The following DIS3L2 variants were observed in gnomAD, a reference collection of about 807,000 sequenced individuals.
DIS3L2 encodes the protein DIS3 like 3'-5' exoribonuclease 2.
In DIS3L2, 34 loss-of-function variants were observed where a neutral mutation model predicts 97.5. The observed-to-expected ratio is 0.35, with a 90% CI of 0.27 to 0.46. DIS3L2 has a LOEUF of 0.46. Ranked by LOEUF, DIS3L2 falls within the 20% of genes least tolerant of loss-of-function variation. The pLI is 1.00. For synonymous variants in DIS3L2, 435 were observed against 445.2 expected, an observed-to-expected ratio of 0.98 and a Z score of 0.29; for missense variants, 1,038 against 1,146.0, an observed-to-expected ratio of 0.91 and a Z score of 1.36.
At chr2:232,337,684 G>T (rs7422274), downstream of DIS3L2, among the ~76,000 whole-genome samples, 3 of 151,768 alleles carry the variant, frequency 2.0e-5, no homozygotes, top group Non-Finnish European at 4.4e-5. Context: ...TGGTGAGCAC[G>T]GCCTCTGTTC....
intron 19 of DIS3L2, chr2:232,335,399 AGCCTAGCTCACCCTGCTGTGG>A (rs1695907468): frequency 4.0e-6 from 1 of 249,546 alleles, no homozygotes; most frequent in African/African-American, 2.3e-5. Context: ...CTGAAGTTCA[AGCCTAGCTCACCCTGCTGTGG>A]GCCCAGCCCT....
intron 10 of DIS3L2, among the ~76,000 whole-genome samples, chr2:232,218,890 C>T (rs1692420974): frequency 6.6e-6 from 1 of 152,182 alleles, no homozygotes; most frequent in African/African-American, 2.4e-5. Flanking sequence ...CTTTAGCAGA[C>T]CTTTGTTACC....
At chr2:232,057,192 T>C (rs1034248317) in intron 5 of DIS3L2, among the ~76,000 whole-genome samples, 1 of 152,136 alleles carries the variant, frequency 6.6e-6, no homozygotes, top group Non-Finnish European at 1.5e-5. Context: ...TATCAGGATA[T>C]TATTTGTCTT....
Position 232,283,532 on chromosome 2 carries a change from A to G in DIS3L2, c.1660-16508A>G, listed in dbSNP as rs564261966. 1.7e-3 allele frequency among the ~76,000 whole-genome samples: 255 copies of G among 152,192 alleles called. 1 individual carries two copies. Among genetic ancestry groups the G allele is most frequent in the Non-Finnish European group, 4.9e-4 (33 of 67,990 alleles). The stretch of plus-strand genomic sequence containing the variant: ...TCTGCACCCCCATAGTGTTGGAACT[A>G]CAGGTGTTGTGAGCGACTGGGCCAG... On this transcript the variant is annotated intron_variant, in intron 13 of 20. Coordinates refer to ENST00000325385, the MANE Select transcript of DIS3L2 (RefSeq NM_152383.5).
At chr2:232,222,233 A>C (rs1162374441) in intron 10 of DIS3L2, among the ~76,000 whole-genome samples, 1 of 151,184 alleles carries the variant, frequency 6.6e-6, no homozygotes, top group East Asian at 2.0e-4. Context: ...GTGAGCCACC[A>C]CGCCCAGCTT....
intron 1 of DIS3L2, among the ~76,000 whole-genome samples, chr2:231,975,477 C>T (rs1256660635): frequency 1.3e-5 from 2 of 151,608 alleles, no homozygotes; most frequent in Non-Finnish European, 2.9e-5. Context: ...CTGAGACAGG[C>T]GGATCACGAG....
intron 7 of DIS3L2, among the ~76,000 whole-genome samples, chr2:232,135,162 GGTGAGGACA>G (rs1698322161): frequency 6.6e-6 from 1 of 152,192 alleles, no homozygotes; most frequent in African/African-American, 2.4e-5. Context: ...GATAGGGAAA[GGTGAGGACA>G]GGATGTTGAC....
At chr2:231,962,273 A>AG (rs1292702105) in intron 1 of DIS3L2, among the ~76,000 whole-genome samples, 1 of 110,446 alleles carries the variant, frequency 9.1e-6, no homozygotes, top group Non-Finnish European at 1.8e-5. Flanking sequence ...GATCATAGAG[A>AG]GTTTTTTTTT....
chr2:232,320,307 G>A (rs1695394317), intron 14 of DIS3L2, among the ~76,000 whole-genome samples: 1 of 152,168 alleles, frequency 6.6e-6, no homozygotes, highest in Non-Finnish European at 1.5e-5. Context: ...GTTCCAGGGG[G>A]TGATAAGACG....
intron 10 of DIS3L2, among the ~76,000 whole-genome samples, chr2:232,212,471 T>A (rs1013778941): frequency 2.0e-5 from 3 of 152,194 alleles, no homozygotes; most frequent in Non-Finnish European, 2.9e-5. Flanking sequence ...AGCAGGCACA[T>A]GTCCTGCCGT....
intron 5 of DIS3L2, among the ~76,000 whole-genome samples, chr2:232,035,043 A>T (rs1400931399): frequency 6.6e-6 from 1 of 152,026 alleles, no homozygotes; most frequent in Non-Finnish European, 1.5e-5. Context: ...TGTCTTGTTG[A>T]TTATTGTCTG....
intron 9 of DIS3L2, among the ~76,000 whole-genome samples, chr2:232,168,122 T>C (rs1051295971): frequency 2.6e-5 from 4 of 152,188 alleles, no homozygotes; most frequent in African/African-American, 9.7e-5. Context: ...TTGTAGTTTA[T>C]ACACTTACAT....
intron 12 of DIS3L2, among the ~76,000 whole-genome samples, chr2:232,255,709 C>G (rs1050495691): frequency 1.3e-5 from 2 of 152,178 alleles, no homozygotes; most frequent in African/African-American, 4.8e-5. Context: ...AAGGGTCTCA[C>G]AATTGATTAG....
chr2:232,253,333 G>A (rs1157519737), intron 12 of DIS3L2, among the ~76,000 whole-genome samples: 5 of 152,218 alleles, frequency 3.3e-5, no homozygotes, highest in Non-Finnish European at 5.9e-5. Context: ...ATGTCAGCAC[G>A]TGGAAAGGAC....
chr2:232,107,790 A>T (rs577070605), intron 6 of DIS3L2, among the ~76,000 whole-genome samples: 1 of 152,362 alleles, frequency 6.6e-6, no homozygotes, highest in Non-Finnish European at 1.5e-5. Flanking sequence ...CACATAAGCT[A>T]GAAAATCTAG....
chr2:232,334,989 G>T lies in DIS3L2; in HGVS notation c.2394+254G>T, dbSNP rs754260921. On this transcript the variant is annotated intron_variant, in intron 19 of 20. Coordinates refer to ENST00000325385, the MANE Select transcript of DIS3L2 (RefSeq NM_152383.5). ...GGCCCCTCCATGGCCAGTACAGCTC[G>T]GCAGGGTGTGCAGGCTTTGGGGACT... The T allele has an allele frequency of 3.0e-5, 15 of 496,026 alleles. No homozygotes were observed. The East Asian group carries it at 5.0e-4, about 17-fold the overall frequency. 30.7% of individuals were successfully genotyped at this position (496,026 alleles called of 1,614,324 possible).
intron 6 of DIS3L2, among the ~76,000 whole-genome samples, chr2:232,120,888 T>A (rs1212911869): frequency 1.3e-5 from 2 of 152,132 alleles, no homozygotes; most frequent in Non-Finnish European, 2.9e-5. Context: ...CTGGATCACA[T>A]CCCTTCCTGT....
chr2:232,175,001 G>A (rs1284904355), intron 9 of DIS3L2, among the ~76,000 whole-genome samples: 2 of 151,928 alleles, frequency 1.3e-5, no homozygotes, highest in African/African-American at 4.8e-5. Flanking sequence ...GCTAATTTTT[G>A]TATTTTTTGT....
chr2:232,087,684 T>C lies in DIS3L2; in HGVS notation c.564T>C (p.Asp188=), dbSNP rs754063211. Residue 188 remains aspartate, a synonymous_variant, in exon 6 of 21, where the codon GAT becomes GAC. Transcript: ENST00000325385. ...GHGITQNVLV[D]GVKKLSVCVS... ...GCATCACACAAAATGTGCTGGTTGA[T>C]GGTGTTAAGAAACTCTCAGTTTGTG... 3.1e-5 allele frequency: 50 copies of C among 1,614,066 alleles called. No homozygotes were observed. The highest frequency in any genetic ancestry group is 6.6e-5 in the South Asian group (6 of 91,074).
Sources: gnomAD v4.1 joint callset for allele counts (sites outside exome capture counted in the v4.1 genomes callset) on GRCh38, gnomAD v4.1.1 for gene constraint, MANE v1.5 for transcripts, NCBI Gene and HGNC (gene_info 2026-07-23, HGNC 2026-07-21) for gene names.